SQOR: variants seen among roughly 807,000 people sequenced by gnomAD.
SQOR encodes the protein sulfide quinone oxidoreductase.
A neutral mutation model predicts 48.6 loss-of-function variants in SQOR; 39 were observed. That is an observed-to-expected ratio of 0.80 (90% CI 0.62 to 1.05). The LOEUF is 1.05. SQOR is among the 50% of genes least tolerant of loss of function. The pLI is 0.00. For missense variants in SQOR, 561 were observed against 559.9 expected (o/e 1.00, Z -0.02); for synonymous variants, 220 against 206.2 (o/e 1.07, Z -0.57).
chr15:45,675,938 A>G (rs1009761238), intron 5 of SQOR, among the ~76,000 whole-genome samples, 163 bp from the exon 6 acceptor site: 2 of 152,010 alleles, frequency 1.3e-5, no homozygotes, highest in African/African-American at 4.8e-5. Flanking sequence ...GGCAGAACAT[A>G]AGGAGGAGGC....
At chr15:45,666,018 G>T (rs1407444043) in intron 3 of SQOR, among the ~76,000 whole-genome samples, 2 of 152,054 alleles carry the variant, frequency 1.3e-5, no homozygotes, top group Non-Finnish European at 2.9e-5. Context: ...ACATCTCAAG[G>T]CCCTGTGTAG....
chr15:45,690,734 C>T (rs1890308234), intron 9 of SQOR, among the ~76,000 whole-genome samples: 1 of 152,216 alleles, frequency 6.6e-6, no homozygotes, highest in Non-Finnish European at 1.5e-5. Flanking sequence ...GCTTTAGACA[C>T]ATTTGCCAAA....
At chr15:45,662,270 A>T (rs1382408503) in intron 3 of SQOR, 145 bp downstream of exon 3, 7 of 792,502 alleles carry the variant, frequency 8.8e-6, no homozygotes, top group Non-Finnish European at 1.4e-5. Context: ...ACTACACAAG[A>T]TGGCAGGGTA....
chr15:45,670,762 G>A (rs1889924794), intron 4 of SQOR, among the ~76,000 whole-genome samples: 1 of 152,216 alleles, frequency 6.6e-6, no homozygotes, highest in African/African-American at 2.4e-5. Flanking sequence ...GAAGGGTAGT[G>A]AAAATGTCTT....
At chr15:45,668,201 C>CCCAAAGTG (rs1422835280) in intron 3 of SQOR, among the ~76,000 whole-genome samples, 2 of 152,120 alleles carry the variant, frequency 1.3e-5, no homozygotes, top group Admixed American at 6.5e-5. Flanking sequence ...GCCTCAGCCT[C>CCCAAAGTG]CCAAAGTGCT....
In SQOR at chr15:45,673,793, T is replaced by A; in HGVS notation, c.646T>A (p.Phe216Ile). The change falls in exon 5 of 10, where the codon TTC (phenylalanine) becomes ATC (isoleucine). Residue 216 changes from phenylalanine to isoleucine, a missense_variant. Physicochemically the swap from Phe to Ile is conservative, Grantham distance 21 (BLOSUM62 0). Transcript: ENST00000260324. Reference protein sequence around the residue: ...QKIMYLSEAYFRKTGKRSKAN... With the variant: ...QKIMYLSEAYIRKTGKRSKAN... ...GATCATGTACTTATCAGAAGCCTAC[T>A]TCAGGAAGGTATGCTTCCTTTCTGG... The A allele has an allele frequency of 6.2e-7, 1 of 1,614,078 alleles. No homozygotes were observed. The highest frequency in any genetic ancestry group is 8.5e-7 in the Non-Finnish European group (1 of 1,179,986).
intron 2 of SQOR, among the ~76,000 whole-genome samples, 167 bp downstream of exon 2, chr15:45,659,324 G>A (rs1889679007): frequency 6.6e-6 from 1 of 152,166 alleles, no homozygotes; most frequent in Admixed American, 6.5e-5. Flanking sequence ...AGAAGGACTG[G>A]GAGGAAGTGG....
intron 9 of SQOR, among the ~76,000 whole-genome samples, chr15:45,690,120 C>CA (rs375004744): frequency 0.19 from 28,174 of 147,388 alleles, 2,884 homozygotes; most frequent in Middle Eastern, 0.36. Flanking sequence ...CTTGCCCTGC[C>CA]CGTGGTGTGA....
chr15:45,687,323 G>T (rs925329665), intron 7 of SQOR, among the ~76,000 whole-genome samples: 2 of 152,254 alleles, frequency 1.3e-5, no homozygotes, highest in East Asian at 3.9e-4. Flanking sequence ...TATTGGCCAG[G>T]CTGGTCTTGA....
At chr15:45,680,860 C>T (rs1890114560) in intron 6 of SQOR, among the ~76,000 whole-genome samples, 1 of 151,286 alleles carries the variant, frequency 6.6e-6, no homozygotes, top group African/African-American at 2.4e-5. Flanking sequence ...TTGTGAAATT[C>T]AAACACATTA....
At chr15:45,670,811 G>A (rs1208354430) in intron 4 of SQOR, among the ~76,000 whole-genome samples, 1 of 152,190 alleles carries the variant, frequency 6.6e-6, no homozygotes, top group Admixed American at 6.5e-5. Context: ...GCTACAAGTT[G>A]TTGTGAATGT....
At chr15:45,650,744 A>G (rs933531171) in intron 1 of SQOR, among the ~76,000 whole-genome samples, 1 of 151,996 alleles carries the variant, frequency 6.6e-6, no homozygotes, top group South Asian at 2.1e-4. Context: ...AGCTAGACAC[A>G]GAGTGCTGAT....
intron 3 of SQOR, among the ~76,000 whole-genome samples, chr15:45,664,485 C>T (rs1405409090): frequency 2.0e-5 from 3 of 152,050 alleles, no homozygotes; most frequent in Admixed American, 6.6e-5. Flanking sequence ...TCATGGTTTC[C>T]AGTCCCCCCA....
intron 1 of SQOR, among the ~76,000 whole-genome samples, chr15:45,645,239 T>C (rs1895183652): frequency 1.3e-5 from 2 of 152,210 alleles, no homozygotes; most frequent in Non-Finnish European, 2.9e-5. Flanking sequence ...GGGCTAATGT[T>C]TGGCATTTTC....
intron 3 of SQOR, among the ~76,000 whole-genome samples, chr15:45,666,856 T>TCCCCTCCCCTCCTCTCCTCTCCC (rs1889832131): frequency 9.3e-5 from 1 of 10,754 alleles, no homozygotes; most frequent in Non-Finnish European, 1.9e-4. Context: ...CCTCCTCTCC[T>TCCCCTCCCCTCCTCTCCTCTCCC]CTCCCCTCCC....
chr15:45,659,195 CGTGTGT>C lies in SQOR; in HGVS notation c.234+48_234+53del, dbSNP rs113227688. On this transcript the variant is annotated intron_variant, in intron 2 of 9. Coordinates refer to ENST00000260324, the MANE Select transcript of SQOR (RefSeq NM_021199.4). Reference sequence around the variant, plus strand: ...TTTTGAGGGCCTGGGTGTGTGTGTACGTGTGTGTGTGTGTGAGTGTGTGTGTGTGTG... The same window carrying C: ...TTTTGAGGGCCTGGGTGTGTGTGTACGTGTGTGTGAGTGTGTGTGTGTGTG... 3.3e-4 allele frequency: 446 copies of C among 1,349,774 alleles called. 4 individuals carry two copies. The East Asian group carries it at 0.01, about 30-fold the overall frequency. The allele number at this position is 1,349,774 out of a possible 1,614,324, so 83.6% of individuals were successfully genotyped here.
chr15:45,650,979 C>T (rs973539012), intron 1 of SQOR, among the ~76,000 whole-genome samples: 31 of 152,212 alleles, frequency 2.0e-4, no homozygotes, highest in African/African-American at 6.8e-4. Context: ...AGAGCCGAGG[C>T]GGAGCTGCCC....
intron 1 of SQOR, among the ~76,000 whole-genome samples, chr15:45,652,236 G>T (rs1889506743): frequency 1.3e-5 from 2 of 152,170 alleles, no homozygotes; most frequent in South Asian, 4.1e-4. Context: ...AGGAGACTAA[G>T]AAATCATATC....
chr15:45,655,887 A>G (rs531412907), intron 1 of SQOR, among the ~76,000 whole-genome samples: 10 of 151,710 alleles, frequency 6.6e-5, no homozygotes, highest in East Asian at 3.9e-4. Flanking sequence ...GGATTTCACC[A>G]TGTTGGCCAG....
Sources: allele counts gnomAD v4.1 joint callset (sites outside exome capture counted in the v4.1 genomes callset), GRCh38; gene constraint gnomAD v4.1.1; transcripts MANE v1.5; gene names NCBI Gene and HGNC (gene_info 2026-07-23, HGNC 2026-07-21).